GSK3B: variants seen among roughly 807,000 people sequenced by gnomAD.
GSK3B encodes glycogen synthase kinase-3 beta.
GSK3B carries 15 observed loss-of-function variants against 56.4 expected under a neutral mutation model. That is an observed-to-expected ratio of 0.27 (90% confidence interval 0.18 to 0.41). GSK3B has a LOEUF of 0.41. Among genes scored for constraint, GSK3B ranks in the 10% least tolerant of loss-of-function variants. The pLI is 1.00. For missense variants in GSK3B, 300 were observed against 513.4 expected, an observed-to-expected ratio of 0.58 and a Z score of 4.02; for synonymous variants, 181 against 188.9, an observed-to-expected ratio of 0.96 and a Z score of 0.34.
At position 119,883,757 on chromosome 3, in the gene GSK3B, A is replaced by C. The variant is rs538445511; in HGVS notation, c.814-7249T>G. 2.0e-5 allele frequency among the ~76,000 whole-genome samples: 3 copies of C among 152,278 alleles called. No homozygotes were observed. In the South Asian group the frequency reaches 6.2e-4, roughly 32 times the overall value. On this transcript the variant is annotated intron_variant, in intron 7 of 10. Coordinates refer to ENST00000264235, the MANE Select transcript of GSK3B (RefSeq NM_001146156.2). ...AGAAACAGAGCTAGAAAGTAATTTA[A>C]ATCTTATCAGTGGTAAACAAATTTT...
intron 1 of GSK3B, among the ~76,000 whole-genome samples, chr3:120,054,685 T>C (rs2058178931): frequency 4.6e-5 from 7 of 152,178 alleles, no homozygotes; most frequent in Admixed American, 3.3e-4. Flanking sequence ...ATCTTAAGCA[T>C]TTCCTTCACC....
At chr3:120,061,420 T>C (rs2058235682) in intron 1 of GSK3B, among the ~76,000 whole-genome samples, 1 of 152,248 alleles carries the variant, frequency 6.6e-6, no homozygotes, top group Non-Finnish European at 1.5e-5. Flanking sequence ...ACATACTCCT[T>C]TGCAATGTGC....
At chr3:119,991,228 C>A (rs1401166073) in intron 2 of GSK3B, among the ~76,000 whole-genome samples, 3 of 152,170 alleles carry the variant, frequency 2.0e-5, no homozygotes, top group Admixed American at 6.5e-5. Context: ...AGGTCTCCTA[C>A]ATTAATTAGG....
intron 2 of GSK3B, among the ~76,000 whole-genome samples, chr3:119,958,382 GGGGT>G (rs57244190): frequency 5.9e-5 from 8 of 136,630 alleles, no homozygotes; most frequent in South Asian, 2.8e-4. Flanking sequence ...TATCGAAAAA[GGGGT>G]GGGTGGGTGG....
intron 7 of GSK3B, among the ~76,000 whole-genome samples, chr3:119,877,458 A>G (rs2056327528): frequency 1.3e-5 from 2 of 152,162 alleles, no homozygotes; most frequent in South Asian, 2.1e-4. Context: ...TAAGTTGTAT[A>G]TTATTCTTCA....
At chr3:120,069,615 A>T (rs2058309888) in intron 1 of GSK3B, among the ~76,000 whole-genome samples, 1 of 152,072 alleles carries the variant, frequency 6.6e-6, no homozygotes, top group Non-Finnish European at 1.5e-5. Context: ...CTAACGGTCA[A>T]TACAAACCAG....
intron 1 of GSK3B, among the ~76,000 whole-genome samples, chr3:120,079,458 A>G (rs991994503): frequency 5.9e-5 from 9 of 151,564 alleles, no homozygotes; most frequent in African/African-American, 2.2e-4. Context: ...GCAGTAGTGC[A>G]GTATCGGCTC....
At chr3:119,844,974 G>A (rs1355568133) in intron 9 of GSK3B, among the ~76,000 whole-genome samples, 4 of 152,206 alleles carry the variant, frequency 2.6e-5, no homozygotes, top group South Asian at 2.1e-4. Flanking sequence ...TGATCAAGTC[G>A]GCTTCATCCC....
intron 2 of GSK3B, among the ~76,000 whole-genome samples, chr3:119,982,608 G>A (rs1166914190): frequency 6.6e-6 from 1 of 152,068 alleles, no homozygotes; most frequent in African/African-American, 2.4e-5. Flanking sequence ...TGGAAGAAAG[G>A]GTATCAGTCA....
At position 119,936,415 on chromosome 3, in the gene GSK3B, C is replaced by T. The variant is rs368138302; in HGVS notation, c.366+10853G>A. Among the ~76,000 whole-genome samples, 27 of 148,820 alleles carry T rather than the reference C, an allele frequency of 1.8e-4. No individual in the cohort carries two copies. The East Asian group carries it at 4.1e-3, about 23-fold the overall frequency. On this transcript the variant is annotated intron_variant, in intron 3 of 10. Transcript: ENST00000264235. ...AGGCTGGAGTGCAGTGGTAGGATCTCAGCTCACTTCAACCTCTGCCTCCCA... is the reference window on the plus strand; with the variant it reads ...AGGCTGGAGTGCAGTGGTAGGATCTTAGCTCACTTCAACCTCTGCCTCCCA...
At chr3:119,949,793 C>CAAAAA (rs927567102) in intron 2 of GSK3B, among the ~76,000 whole-genome samples, 19 of 62,298 alleles carry the variant, frequency 3.0e-4, no homozygotes, top group African/African-American at 8.4e-4. Context: ...GACTCCGTCT[C>CAAAAA]AAAAAAAAAA....
chr3:120,088,669 T>G (rs2058485902), intron 1 of GSK3B, among the ~76,000 whole-genome samples: 1 of 152,230 alleles, frequency 6.6e-6, no homozygotes, highest in Admixed American at 6.5e-5. Flanking sequence ...TAGAAAATGA[T>G]AAACATTCCA....
At chr3:119,873,733 CAAT>C (rs1403278326) in intron 8 of GSK3B, among the ~76,000 whole-genome samples, 1 of 152,006 alleles carries the variant, frequency 6.6e-6, no homozygotes, top group African/African-American at 2.4e-5. Context: ...CAGAGAAAAA[CAAT>C]AAAATTTCTG....
At chr3:120,005,852 G>A (rs1172362815) in intron 1 of GSK3B, among the ~76,000 whole-genome samples, 1 of 152,192 alleles carries the variant, frequency 6.6e-6, no homozygotes, top group Non-Finnish European at 1.5e-5. Context: ...TCGATGCTAA[G>A]AAGAAATTGC....
At chr3:119,922,173 TTAGG>T (rs138607853) in intron 4 of GSK3B, among the ~76,000 whole-genome samples, 2,651 of 112,222 alleles carry the variant, frequency 0.024, 127 homozygotes, top group African/African-American at 0.096. Flanking sequence ...AGGAGGTAGG[TTAGG>T]TAGGTAGGTA....
At chr3:120,075,304 C>T (rs2058359147) in intron 1 of GSK3B, among the ~76,000 whole-genome samples, 1 of 152,062 alleles carries the variant, frequency 6.6e-6, no homozygotes, top group Non-Finnish European at 1.5e-5. Flanking sequence ...AGAACTTTTC[C>T]TCTAAGACCT....
In GSK3B at chr3:120,054,036, G is replaced by A. The variant is rs116206234; in HGVS notation, c.88+39311C>T. On this transcript the variant is annotated intron_variant, in intron 1 of 10. Transcript: ENST00000264235. ...GGCTGTTGCTATTAATATATTCTTT[G>A]ATACCGGCAGTACAATAACTGATAT... Among the ~76,000 whole-genome samples, 142 of 152,180 alleles carry A rather than the reference G, an allele frequency of 9.3e-4. 1 individual carries two copies. Among genetic ancestry groups the A allele is most frequent in the African/African-American group, 3.3e-3 (138 of 41,514 alleles).
intron 8 of GSK3B, among the ~76,000 whole-genome samples, chr3:119,865,815 T>C (rs2056176165): frequency 6.6e-6 from 1 of 152,116 alleles, no homozygotes; most frequent in Non-Finnish European, 1.5e-5. Context: ...GGTGTTTTAC[T>C]GCCTACAAGT....
intron 1 of GSK3B, among the ~76,000 whole-genome samples, chr3:120,075,175 G>C (rs556223001): frequency 2.1e-4 from 32 of 152,252 alleles, no homozygotes; most frequent in African/African-American, 7.2e-4. Flanking sequence ...ATTCAACAAA[G>C]TTAAACTTTC....
Sources: gnomAD v4.1 joint callset for allele counts (sites outside exome capture counted in the v4.1 genomes callset) on GRCh38, gnomAD v4.1.1 for gene constraint, MANE v1.5 for transcripts, NCBI Gene and HGNC (gene_info 2026-07-23, HGNC 2026-07-21) for gene names.